ATP5F1B: variants seen among roughly 807,000 people sequenced by gnomAD.
ATP5F1B encodes ATP synthase F1 subunit beta.
In ATP5F1B, 17 loss-of-function variants were observed where a neutral mutation model predicts 45.9. The ratio of observed to expected loss-of-function variants is 0.37; its 90% CI spans 0.25 to 0.56. ATP5F1B has a LOEUF of 0.56. Among genes scored for constraint, ATP5F1B ranks in the 20% least tolerant of loss-of-function variants. The pLI is 0.80. For missense variants in ATP5F1B, 387 were observed against 673.2 expected (o/e 0.57, Z 4.70); for synonymous variants, 218 against 256.5 (o/e 0.85, Z 1.43).
chr12:56,645,358 C>T lies in ATP5F1B; in HGVS notation c.128-5G>A. 1 of 1,611,252 alleles carries T rather than the reference C, an allele frequency of 6.2e-7. No individual in the cohort carries two copies. Among genetic ancestry groups the T allele is most frequent in the East Asian group, 2.2e-5 (1 of 44,826 alleles). On this transcript the variant is annotated splice_region_variant and splice_polypyrimidine_tract_variant and intron_variant, in intron 1 of 9. Transcript: ENST00000262030. ...TTTGCGCCGCATAGTCCCTGACTAA[C>T]AGACAAAAGATATTGGAAGGAGCTG...
chr12:56,639,354 T>C (rs773540539), intron 8 of ATP5F1B, 47 bp from the exon 9 acceptor site: 1 of 1,571,432 alleles, frequency 6.4e-7, no homozygotes, highest in East Asian at 2.2e-5. Flanking sequence ...TTCCTTTAAT[T>C]TGGACAAGCT....
chr12:56,641,731 T>C (rs916355262), intron 7 of ATP5F1B, among the ~76,000 whole-genome samples: 1 of 151,872 alleles, frequency 6.6e-6, no homozygotes, highest in African/African-American at 2.4e-5. Flanking sequence ...TTTGTATTTT[T>C]AGTAGAGATG....
At chr12:56,638,955 TGTAGA>T (rs1951492283) in intron 9 of ATP5F1B, 146 bp downstream of exon 9, 2 of 689,322 alleles carry the variant, frequency 2.9e-6, no homozygotes, top group East Asian at 2.8e-5. Context: ...TCAAATTAAA[TGTAGA>T]GTATTTTCAA....
chr12:56,642,464 A>G lies in ATP5F1B; in HGVS notation c.1068T>C (p.Ser356=), dbSNP rs761809872. 17 of 1,613,922 alleles carry G rather than the reference A, an allele frequency of 1.1e-5. No individual in the cohort carries two copies. In the South Asian group the frequency reaches 1.8e-4, roughly 17 times the overall value. Residue 356 remains serine (S), a synonymous_variant, in exon 7 of 10, where the codon TCT becomes TCC. Transcript: ENST00000262030. ...TCTATGTAATTTTTCTTACCTGTAC[A>G]GAGGTGATAGATCCCTTCTTGGTAG... The part of the protein sequence containing the change: ...ITTTKKGSIT[S]VQAIYVPADD...
intron 1 of ATP5F1B, 49 bp downstream of exon 1, chr12:56,645,788 G>T: frequency 6.3e-7 from 1 of 1,592,960 alleles, no homozygotes; most frequent in Non-Finnish European, 8.5e-7. Context: ...CCGGCTCAAG[G>T]TCATGGGGCG....
At chr12:56,644,600 T>TAA (rs1270313977) in intron 3 of ATP5F1B, among the ~76,000 whole-genome samples, 181 bp downstream of exon 3, 1 of 151,646 alleles carries the variant, frequency 6.6e-6, no homozygotes, top group East Asian at 1.9e-4. Context: ...CCTCAAGTAG[T>TAA]AGGCTTTTGT....
At chr12:56,642,638 A>T in intron 6 of ATP5F1B, 35 bp downstream of exon 6, 1 of 1,614,076 alleles carries the variant, frequency 6.2e-7, no homozygotes, top group African/African-American at 1.3e-5. Context: ...AAGAAAGGCC[A>T]GATGAACCAG....
chr12:56,643,418 T>A lies in ATP5F1B; in HGVS notation c.777A>T (p.Lys259Asn). 1 of 1,614,182 alleles carries A rather than the reference T, an allele frequency of 6.2e-7. No individual in the cohort carries two copies. Residue 259 changes from lysine to asparagine, a missense_variant, in exon 5 of 10, where the codon AAA becomes AAT. Physicochemically the swap from Lys to Asn is moderately conservative, Grantham distance 94 (BLOSUM62 0). Coordinates refer to ENST00000262030, the MANE Select transcript of ATP5F1B (RefSeq NM_001686.4). ...EMIESGVINLKDATSKVALVY... is the reference protein window; with the variant it reads ...EMIESGVINLNDATSKVALVY... ...CAATGCTTACCTTAGAGGTGGCATC[T>A]TTTAAGTTGATAACACCAGATTCAA...
intron 8 of ATP5F1B, 186 bp from the exon 9 acceptor site, chr12:56,639,493 G>A (rs1039319028): frequency 1.8e-5 from 11 of 621,942 alleles, no homozygotes; most frequent in Admixed American, 8.5e-5. Flanking sequence ...ATTGCATTCC[G>A]CCGGGCGCAG....
At position 56,638,757 on chromosome 12, in the gene ATP5F1B, G is replaced by A. The variant is rs564144590; in HGVS notation, c.1490-334C>T. 2.8e-3 allele frequency among the ~76,000 whole-genome samples: 420 copies of A among 152,282 alleles called. 3 individuals are homozygous for A. The highest frequency in any genetic ancestry group is 9.8e-3 in the African/African-American group (409 of 41,544). ...CTAAAAATACAAAAATTAGCCAGGC[G>A]TGGTGGCGTGTGCCTGTAATCCCAG... On this transcript the variant is annotated intron_variant, in intron 9 of 9. Coordinates refer to ENST00000262030, the MANE Select transcript of ATP5F1B (RefSeq NM_001686.4).
At chr12:56,645,560 T>A (rs766071129) in intron 1 of ATP5F1B, among the ~76,000 whole-genome samples, 4 of 152,124 alleles carry the variant, frequency 2.6e-5, no homozygotes, top group Admixed American at 2.6e-4. Flanking sequence ...AGACCCCATT[T>A]TTCGAGAGTT....
chr12:56,645,848 G>A lies in ATP5F1B; in HGVS notation c.116C>T (p.Ala39Val), dbSNP rs776218742. The change falls in exon 1 of 10, where the codon GCG becomes GTG. Residue 39 changes from alanine to valine, a missense_variant. Around this residue, in one of 6 missense-constraint regions of ATP5F1B, gnomAD observed 76 missense variants for 62.0 expected, o/e 1.23. Transcript: ENST00000262030. The part of the protein sequence containing the change: ...AQLLLRAAPT[A>V]VHPVRDYAAQ... ...AGAAAAGCACTTACCAGGATGGACC[G>A]CCGTCGGAGCGGCCCGCAGTAAGAG... 3.1e-6 allele frequency: 5 copies of A among 1,608,814 alleles called. No homozygotes were observed. The highest frequency in any genetic ancestry group is 1.7e-5 in the Admixed American group (1 of 59,204).
At chr12:56,639,360 A>T (rs1359145220) in intron 8 of ATP5F1B, 53 bp from the exon 9 acceptor site, 1 of 1,553,346 alleles carries the variant, frequency 6.4e-7, no homozygotes, top group Non-Finnish European at 8.8e-7. Flanking sequence ...TAATTTGGAC[A>T]AGCTAACAAA....
Position 56,645,884 on chromosome 12 carries a change from G to A in ATP5F1B, c.80C>T (p.Pro27Leu). 2 of 1,608,556 alleles carry A rather than the reference G, an allele frequency of 1.2e-6. No homozygotes were observed. The highest frequency in any genetic ancestry group is 2.2e-5 in the East Asian group (1 of 44,668). The change falls in exon 1 of 10, where the codon CCC becomes CTC. Residue 27 changes from proline to leucine, a missense_variant. Around this residue, in one of 6 missense-constraint regions of ATP5F1B, gnomAD observed 76 missense variants for 62.0 expected, o/e 1.23. Transcript: ENST00000262030. Reference sequence around the variant, plus strand: ...GGCCCGCAGTAAGAGCTGAGCTGGGGGCAGCGACGCTGAAGGGGTGAGTCT... The same window carrying A: ...GGCCCGCAGTAAGAGCTGAGCTGGGAGCAGCGACGCTGAAGGGGTGAGTCT... Reference protein sequence around the residue: ...LRRLTPSASLPPAQLLLRAAP... With the variant: ...LRRLTPSASLLPAQLLLRAAP...
intron 8 of ATP5F1B, 182 bp from the exon 9 acceptor site, chr12:56,639,489 T>G: frequency 3.2e-6 from 2 of 625,076 alleles, no homozygotes; most frequent in Non-Finnish European, 5.5e-6. Flanking sequence ...AAATATTGCA[T>G]TCCGCCGGGC....
At chr12:56,645,783 T>C in intron 1 of ATP5F1B, 54 bp downstream of exon 1, 1 of 1,589,066 alleles carries the variant, frequency 6.3e-7, no homozygotes, top group Non-Finnish European at 8.6e-7. Flanking sequence ...GTTCCCCGGC[T>C]CAAGGTCATG....
Position 56,638,283 on chromosome 12 carries a change from TA to T in ATP5F1B, c.*39del. 1.3e-6 allele frequency: 2 copies of T among 1,549,706 alleles called. No homozygotes were observed. The highest frequency in any genetic ancestry group is 1.1e-5 in the South Asian group (1 of 87,314). ...CACAGAAAAATGAAGCTTTTTGGGT[TA>T]GGGGCAAGGAGAGAGACAGTACAGA... On this transcript the variant is annotated 3_prime_UTR_variant, in exon 10 of 10. Transcript: ENST00000262030.
At position 56,638,289 on chromosome 12, in the gene ATP5F1B, C is replaced by T; in HGVS notation, c.*34G>A. On this transcript the variant is annotated 3_prime_UTR_variant, in exon 10 of 10. Transcript: ENST00000262030. ...AAAATGAAGCTTTTTGGGTTAGGGG[C>T]AAGGAGAGAGACAGTACAGAGGACA... 1 of 1,573,036 alleles carries T rather than the reference C, an allele frequency of 6.4e-7. No individual in the cohort carries two copies. Among genetic ancestry groups the T allele is most frequent in the Non-Finnish European group, 8.7e-7 (1 of 1,147,228 alleles).
At chr12:56,639,750 GAC>G (rs966326891) in intron 8 of ATP5F1B, among the ~76,000 whole-genome samples, 2 of 146,818 alleles carry the variant, frequency 1.4e-5, no homozygotes, top group African/African-American at 5.1e-5. Context: ...CAGCTTGGGA[GAC>G]ACAGTGAGAC....
Sources: allele counts gnomAD v4.1 joint callset (sites outside exome capture counted in the v4.1 genomes callset), GRCh38; gene constraint gnomAD v4.1.1; regional missense constraint gnomAD v4.1.1; transcripts MANE v1.5; gene names NCBI Gene and HGNC (gene_info 2026-07-23, HGNC 2026-07-21).